ZFYVE9: variants seen among roughly 807,000 people sequenced by gnomAD.
ZFYVE9 encodes zinc finger FYVE domain-containing protein 9.
A neutral mutation model predicts 126.7 loss-of-function variants in ZFYVE9; 43 were observed. That is an observed-to-expected ratio of 0.34 (90% CI 0.27 to 0.44). ZFYVE9 has a LOEUF of 0.44. Among genes scored for constraint, ZFYVE9 ranks in the 20% least tolerant of loss-of-function variants. ZFYVE9 has a pLI of 1.00. For synonymous variants in ZFYVE9, 521 were observed against 597.4 expected (o/e 0.87, Z 1.87); for missense variants, 1,476 against 1,697.0 (o/e 0.87, Z 2.29).
intron 10 of ZFYVE9, among the ~76,000 whole-genome samples, chr1:52,289,745 A>G (rs1377182001): frequency 6.6e-6 from 1 of 152,184 alleles, no homozygotes; most frequent in East Asian, 1.9e-4. Context: ...ATGGTACATG[A>G]TAGTCTAATT....
Position 52,300,412 on chromosome 1 carries a change from T to C in ZFYVE9, c.3334-3409T>C, listed in dbSNP as rs1569708528. Among the ~76,000 whole-genome samples, 4 of 151,950 alleles carry C rather than the reference T, an allele frequency of 2.6e-5. 1 individual carries two copies. The Middle Eastern group carries it at 0.01, about 388-fold the overall frequency. ...TGAGACCAGCCTGGCTGATATGGTGTAACCCCGTCTCTACTAAAACTACAA... is the reference window on the plus strand; with the variant it reads ...TGAGACCAGCCTGGCTGATATGGTGCAACCCCGTCTCTACTAAAACTACAA... On this transcript the variant is annotated intron_variant, in intron 12 of 18. Coordinates refer to ENST00000287727, the MANE Select transcript of ZFYVE9 (RefSeq NM_004799.4).
Position 52,239,167 on chromosome 1 carries a change from C to A in ZFYVE9, c.1750C>A (p.Pro584Thr). 1 of 1,614,092 alleles carries A rather than the reference C, an allele frequency of 6.2e-7. No individual in the cohort carries two copies. The highest frequency in any genetic ancestry group is 8.5e-7 in the Non-Finnish European group (1 of 1,179,998). Residue 584 changes from proline (P) to threonine (T), a missense_variant, in exon 4 of 19, where the codon CCT becomes ACT. Physicochemically the swap from Pro to Thr is conservative, Grantham distance 38. Coordinates refer to ENST00000287727, the MANE Select transcript of ZFYVE9 (RefSeq NM_004799.4). ...VPFGGARPKQPSNLKLQIPKP... is the reference protein window; with the variant it reads ...VPFGGARPKQTSNLKLQIPKP... ...TTTTGGTGGTGCAAGACCCAAGCAA[C>A]CTTCTAATCTTAAACTTCAAATTCC...
At position 52,241,233 on chromosome 1, in the gene ZFYVE9, A is replaced by G. The variant is rs147004429; in HGVS notation, c.2178+1638A>G. Reference sequence around the variant, plus strand: ...AAAGGAGAGGAGGAAAATGGTTCCTAGGTGAGCAGTCACTAAGGTTTACTA... The same window carrying G: ...AAAGGAGAGGAGGAAAATGGTTCCTGGGTGAGCAGTCACTAAGGTTTACTA... On this transcript the variant is annotated intron_variant, in intron 4 of 18. Coordinates refer to ENST00000287727, the MANE Select transcript of ZFYVE9 (RefSeq NM_004799.4). Among the ~76,000 whole-genome samples, 138 of 152,318 alleles carry G rather than the reference A, an allele frequency of 9.1e-4. 3 individuals are homozygous for G. The East Asian group carries it at 0.02, about 22-fold the overall frequency.
chr1:52,190,831 A>G (rs1644809687), intron 1 of ZFYVE9, among the ~76,000 whole-genome samples: 1 of 152,260 alleles, frequency 6.6e-6, no homozygotes, highest in Non-Finnish European at 1.5e-5. Flanking sequence ...AATTTGTGTC[A>G]GTAACTATTA....
chr1:52,301,248 A>G (rs1646030739), intron 12 of ZFYVE9, among the ~76,000 whole-genome samples: 1 of 145,318 alleles, frequency 6.9e-6, no homozygotes, highest in Non-Finnish European at 1.5e-5. Context: ...TCCTCTCTAC[A>G]TAACAATTTT....
At position 52,167,835 on chromosome 1, in the gene ZFYVE9, C is replaced by T. The variant is rs572482610; in HGVS notation, c.-143+25432C>T. Among the ~76,000 whole-genome samples, 4 of 152,260 alleles carry T rather than the reference C, an allele frequency of 2.6e-5. No homozygotes were observed. In the East Asian group the frequency reaches 5.8e-4, roughly 22 times the overall value. ...TCCAAAGCAATGACCTCTCAGTGTG[C>T]AGACAGCAGAATCACAGTTGATCTT... On this transcript the variant is annotated intron_variant, in intron 1 of 18. Transcript: ENST00000287727.
intron 1 of ZFYVE9, among the ~76,000 whole-genome samples, chr1:52,194,953 TTGA>T (rs1644847080): frequency 6.8e-5 from 10 of 146,620 alleles, no homozygotes; most frequent in African/African-American, 2.8e-4. Context: ...GTAGTGCTGA[TTGA>T]TTATAATGCT....
At chr1:52,192,946 A>G (rs778589371) in intron 1 of ZFYVE9, among the ~76,000 whole-genome samples, 2 of 152,246 alleles carry the variant, frequency 1.3e-5, no homozygotes, top group South Asian at 2.1e-4. Flanking sequence ...AACTGTAGGC[A>G]GAACAATCCA....
intron 1 of ZFYVE9, chr1:52,160,323 T>G (rs546236873): frequency 9.1e-7 from 1 of 1,098,966 alleles, no homozygotes; most frequent in African/African-American, 1.5e-5. Context: ...GCTTTGTTGA[T>G]TTCCTCAAAA....
intron 1 of ZFYVE9, among the ~76,000 whole-genome samples, chr1:52,197,594 A>C (rs1383147758): frequency 8.4e-6 from 1 of 119,152 alleles, no homozygotes; most frequent in Non-Finnish European, 1.8e-5. Flanking sequence ...TGAGAGATAG[A>C]TGTCAAAAAA....
chr1:52,155,118 G>A (rs1410836366), intron 1 of ZFYVE9, among the ~76,000 whole-genome samples: 2 of 152,068 alleles, frequency 1.3e-5, no homozygotes, highest in South Asian at 4.1e-4. Context: ...ATGACCTGGC[G>A]AGTCCTAGTG....
chr1:52,203,837 G>A (rs1012739339), intron 1 of ZFYVE9, among the ~76,000 whole-genome samples: 1 of 151,920 alleles, frequency 6.6e-6, no homozygotes, highest in African/African-American at 2.4e-5. Flanking sequence ...GTCATGTCCT[G>A]TCTCCTAAAT....
intron 1 of ZFYVE9, among the ~76,000 whole-genome samples, chr1:52,155,396 A>C (rs1644393953): frequency 1.3e-5 from 2 of 151,302 alleles, no homozygotes; most frequent in Non-Finnish European, 2.9e-5. Context: ...CACCTCGCCC[A>C]GCTAATTTTT....
chr1:52,197,277 C>T lies in ZFYVE9; in HGVS notation c.-142-19092C>T, dbSNP rs367586895. ...TGATAGAGAATTACTATAGCGTGAA[C>T]AACTGGGTAGATGATATAGAGAATA... On this transcript the variant is annotated intron_variant, in intron 1 of 18. Coordinates refer to ENST00000287727, the MANE Select transcript of ZFYVE9 (RefSeq NM_004799.4). Among the ~76,000 whole-genome samples the T allele has an allele frequency of 1.6e-3, 236 of 152,126 alleles. 5 individuals are homozygous for T. The South Asian group carries it at 0.048, about 31-fold the overall frequency.
At chr1:52,230,471 C>T (rs1342098083) in intron 2 of ZFYVE9, among the ~76,000 whole-genome samples, 1 of 150,056 alleles carries the variant, frequency 6.7e-6, no homozygotes, top group African/African-American at 2.5e-5. Flanking sequence ...CAGACCACCA[C>T]AGCACACATA....
In ZFYVE9 at chr1:52,238,196, C is replaced by T. The variant is rs777072155; in HGVS notation, c.779C>T (p.Ala260Val). 2.4e-5 allele frequency: 39 copies of T among 1,614,000 alleles called. 1 individual carries two copies. Among genetic ancestry groups the T allele is most frequent in the Middle Eastern group, 3.3e-4 (2 of 6,060 alleles). ...GSIGRDPSMS[A>V]ITSLTVDSVI... Reference sequence around the variant, plus strand: ...ATAGGTAGAGACCCCTCCATGTCTGCGATTACAAGTTTAACGGTTGATTCA... The same window carrying T: ...ATAGGTAGAGACCCCTCCATGTCTGTGATTACAAGTTTAACGGTTGATTCA... Residue 260 changes from alanine (A) to valine (V), a missense_variant, in exon 4 of 19, where the codon GCG (alanine) becomes GTG (valine). Physicochemically the swap from Ala to Val is moderately conservative, Grantham distance 64 (BLOSUM62 0). Transcript: ENST00000287727.
At chr1:52,233,310 T>A in intron 3 of ZFYVE9, 34 bp downstream of exon 3, 1 of 1,515,624 alleles carries the variant, frequency 6.6e-7, no homozygotes, top group Non-Finnish European at 9.0e-7. Context: ...TGTTTGCCTA[T>A]GTGGTATAGA....
At position 52,293,499 on chromosome 1, in the gene ZFYVE9, C is replaced by T. The variant is rs1645944620; in HGVS notation, c.3072C>T (p.Phe1024=). The T allele has an allele frequency of 3.1e-6, 5 of 1,613,358 alleles. No individual in the cohort carries two copies. Among genetic ancestry groups the T allele is most frequent in the African/African-American group, 2.7e-5 (2 of 74,702 alleles). Residue 1024 remains phenylalanine (F), a synonymous_variant, in exon 11 of 19, where the codon TTC becomes TTT. Coordinates refer to ENST00000287727, the MANE Select transcript of ZFYVE9 (RefSeq NM_004799.4). Reference sequence around the variant, plus strand: ...GACATTCCTTCTTCAGTCAAAGTTTCCTTGGCAGTAAAGAACATGGTGGAT... The same window carrying T: ...GACATTCCTTCTTCAGTCAAAGTTTTCTTGGCAGTAAAGAACATGGTGGAT... The part of the protein sequence containing the change: ...NLGHSFFSQS[F]LGSKEHGGFL...
At chr1:52,173,672 A>G (rs1458416331) in intron 1 of ZFYVE9, among the ~76,000 whole-genome samples, 2 of 152,068 alleles carry the variant, frequency 1.3e-5, no homozygotes, top group African/African-American at 4.8e-5. Flanking sequence ...TATTGCCACA[A>G]TTTCAGATCC....
Sources: gnomAD v4.1 joint callset for allele counts (sites outside exome capture counted in the v4.1 genomes callset) on GRCh38, gnomAD v4.1.1 for gene constraint, MANE v1.5 for transcripts, NCBI Gene and HGNC (gene_info 2026-07-23, HGNC 2026-07-21) for gene names.